The following CREBBP variants were observed in gnomAD, a reference collection of about 807,000 sequenced individuals.
CREBBP encodes CREB-binding protein.
A neutral mutation model predicts 265.0 loss-of-function variants in CREBBP; 19 were observed. The observed-to-expected ratio is 0.07, with a 90% CI of 0.05 to 0.11. The LOEUF (loss-of-function observed/expected upper bound fraction) is 0.11. Among genes scored for constraint, CREBBP ranks in the 10% least tolerant of loss-of-function variants. The pLI is 1.00. For synonymous variants in CREBBP, 1,457 were observed against 1,223.7 expected, an observed-to-expected ratio of 1.19 and a Z score of -3.98; for missense variants, 2,525 against 3,219.0, an observed-to-expected ratio of 0.78 and a Z score of 5.22.
At chr16:3,736,519 C>A (rs1180572903) in intron 27 of CREBBP, 131 bp downstream of exon 27, 3 of 1,366,784 alleles carry the variant, frequency 2.2e-6, no homozygotes, top group Middle Eastern at 2.4e-4. Flanking sequence ...TCACTTTAGG[C>A]TTTTATTTTT....
rs975051513 is a variant in CREBBP at position 3,753,139 on chromosome 16, G to C, written c.3699-1333C>G. ...ACAGTGCGACAGGACTCGAGCGCCA[G>C]GCTGAACCACCAAGTGCAGAATGGG... On this transcript the variant is annotated intron_variant, in intron 19 of 30. Transcript: ENST00000262367. Among the ~76,000 whole-genome samples, 6 of 152,350 alleles carry C rather than the reference G, an allele frequency of 3.9e-5. No individual in the cohort carries two copies. In the South Asian group the frequency reaches 1.2e-3, roughly 32 times the overall value.
At chr16:3,810,848 G>T in intron 2 of CREBBP, 69 bp from the exon 3 acceptor site, 1 of 1,491,826 alleles carries the variant, frequency 6.7e-7, no homozygotes, top group Non-Finnish European at 9.3e-7. Context: ...CCTGGGAAAT[G>T]CTCACACAGT....
At chr16:3,788,008 C>T (rs1394528188) in intron 5 of CREBBP, among the ~76,000 whole-genome samples, 1 of 152,164 alleles carries the variant, frequency 6.6e-6, no homozygotes, top group East Asian at 1.9e-4. Flanking sequence ...ATCTGAGGCA[C>T]CTACAGATGG....
In CREBBP at chr16:3,766,530, CT is replaced by C. The variant is rs58087111; in HGVS notation, c.3250+1189del. ...GAACTAAATATTTAAAAATTTTTCT[CT>C]TTTTTTTTTTCAGACAACAATCTCA... On this transcript the variant is annotated intron_variant, in intron 16 of 30. Coordinates refer to ENST00000262367, the MANE Select transcript of CREBBP (RefSeq NM_004380.3). Among the ~76,000 whole-genome samples, 82 of 146,504 alleles carry C rather than the reference CT, an allele frequency of 5.6e-4. 2 individuals are homozygous for C. The South Asian group carries it at 0.015, about 26-fold the overall frequency.
intron 13 of CREBBP, among the ~76,000 whole-genome samples, chr16:3,773,174 G>C (rs1019698036): frequency 2.0e-5 from 3 of 152,004 alleles, no homozygotes; most frequent in African/African-American, 7.3e-5. Context: ...TGTATATTTT[G>C]TATACAGTAG....
chr16:3,734,717 G>T (rs1274292104), intron 28 of CREBBP, among the ~76,000 whole-genome samples: 2 of 151,606 alleles, frequency 1.3e-5, no homozygotes, highest in Non-Finnish European at 2.9e-5. Context: ...TCTGTCCTGC[G>T]AATGACACTC....
intron 3 of CREBBP, among the ~76,000 whole-genome samples, chr16:3,809,651 T>C (rs1215219042): frequency 6.6e-6 from 1 of 152,182 alleles, no homozygotes; most frequent in East Asian, 1.9e-4. Flanking sequence ...TTACTTAGTT[T>C]TGAGAAAAGA....
chr16:3,734,619 C>T (rs530574461), intron 28 of CREBBP, among the ~76,000 whole-genome samples: 188 of 152,306 alleles, frequency 1.2e-3, no homozygotes, highest in African/African-American at 4.1e-3. Context: ...TACACTCCAG[C>T]GGGAGCAAGT....
chr16:3,782,962 AG>A (rs756165287), intron 5 of CREBBP, 36 bp from the exon 6 acceptor site: 1 of 1,613,990 alleles, frequency 6.2e-7, no homozygotes, highest in African/African-American at 1.3e-5. Flanking sequence ...CAAAAACGAG[AG>A]GTAAGTAAAA....
chr16:3,832,169 T>C (rs1179780874), intron 2 of CREBBP, among the ~76,000 whole-genome samples: 1 of 152,070 alleles, frequency 6.6e-6, no homozygotes, highest in African/African-American at 2.4e-5. Flanking sequence ...GCTATTCAAA[T>C]TTAAAGTAAC....
chr16:3,868,646 G>C (rs941271410), intron 1 of CREBBP, among the ~76,000 whole-genome samples: 19 of 152,076 alleles, frequency 1.2e-4, no homozygotes, highest in African/African-American at 4.6e-4. Context: ...CACCCTCAAT[G>C]AGCTCTGGTG....
chr16:3,863,713 C>T (rs183135533), intron 1 of CREBBP, among the ~76,000 whole-genome samples: 43 of 152,330 alleles, frequency 2.8e-4, no homozygotes, highest in African/African-American at 1.0e-3. Context: ...ATTTGGTGCA[C>T]TTAGCAGTCA....
At chr16:3,842,735 T>C (rs1169345046) in intron 2 of CREBBP, among the ~76,000 whole-genome samples, 2 of 151,688 alleles carry the variant, frequency 1.3e-5, no homozygotes, top group Non-Finnish European at 2.9e-5. Flanking sequence ...GAGGCTGAGG[T>C]GGGCAGATCA....
intron 16 of CREBBP, among the ~76,000 whole-genome samples, chr16:3,766,768 C>A (rs1309649282): frequency 6.6e-6 from 1 of 152,128 alleles, no homozygotes; most frequent in Non-Finnish European, 1.5e-5. Flanking sequence ...ATCAAGCAAG[C>A]CTCCCATCTC....
intron 2 of CREBBP, among the ~76,000 whole-genome samples, chr16:3,845,850 G>A (rs1389186540): frequency 7.2e-6 from 1 of 137,954 alleles, no homozygotes; most frequent in Non-Finnish European, 1.5e-5. Context: ...TCATGCTACT[G>A]CACTCTAGCC....
At position 3,751,742 on chromosome 16, in the gene CREBBP, G is replaced by T; in HGVS notation, c.3763C>A (p.Pro1255Thr). The change falls in exon 20 of 31, where the codon CCT (proline) becomes ACT (threonine). Residue 1255 changes from proline (P) to threonine (T), a missense_variant. Pro to Thr is a conservative substitution (Grantham distance 38). Transcript: ENST00000262367. ...GGTACTTACGTCTGGGGCTGTGAAG[G>T]GTCGTCACCCAGGGTCACATTCTCG... ...QGENVTLGDD[P>T]SQPQTTISKD... is the part of the protein sequence containing the mutation. 1 of 1,614,146 alleles carries T rather than the reference G, an allele frequency of 6.2e-7. No individual in the cohort carries two copies. The highest frequency in any genetic ancestry group is 1.1e-5 in the South Asian group (1 of 91,070).
At chr16:3,776,735 G>T (rs559487663) in intron 11 of CREBBP, among the ~76,000 whole-genome samples, 1 of 152,212 alleles carries the variant, frequency 6.6e-6, no homozygotes, top group South Asian at 2.1e-4. Context: ...AAAGCTGGCC[G>T]GGTGCAGTGG....
chr16:3,759,002 T>A (rs375895618), intron 16 of CREBBP, 30 bp from the exon 17 acceptor site: 2 of 1,524,888 alleles, frequency 1.3e-6, no homozygotes, highest in African/African-American at 2.7e-5. Context: ...AAAAGACACT[T>A]TGTAAAAGGT....
chr16:3,829,744 C>G (rs1006959746), intron 2 of CREBBP, among the ~76,000 whole-genome samples: 11 of 152,210 alleles, frequency 7.2e-5, no homozygotes, highest in African/African-American at 2.4e-4. Context: ...TATTCAACAA[C>G]ATTATCATCC....
Sources: allele counts gnomAD v4.1 joint callset (sites outside exome capture counted in the v4.1 genomes callset), GRCh38; gene constraint gnomAD v4.1.1; transcripts MANE v1.5; gene names NCBI Gene and HGNC (gene_info 2026-07-23, HGNC 2026-07-21).